RAD18: variants seen among roughly 807,000 people sequenced by gnomAD.
RAD18 encodes E3 ubiquitin-protein ligase RAD18.
A neutral mutation model predicts 60.4 loss-of-function variants in RAD18; 47 were observed. The ratio of observed to expected loss-of-function variants is 0.78; its 90% CI spans 0.62 to 0.99. The LOEUF is 0.99. Ranked by LOEUF, RAD18 falls within the 50% of genes least tolerant of loss-of-function variation. The probability of loss-of-function intolerance (pLI) is 0.00; values close to 1 mark genes in which losing one functional copy is unlikely to be tolerated. For missense variants in RAD18, 640 were observed against 593.3 expected, an observed-to-expected ratio of 1.08 and a Z score of -0.82; for synonymous variants, 225 against 195.5, an observed-to-expected ratio of 1.15 and a Z score of -1.26.
intron 12 of RAD18, among the ~76,000 whole-genome samples, chr3:8,885,555 G>T (rs1939545073): frequency 6.6e-6 from 1 of 152,176 alleles, no homozygotes; most frequent in Non-Finnish European, 1.5e-5. Flanking sequence ...TTGGAAAGGA[G>T]CCTTTATTTC....
At position 8,899,002 on chromosome 3, in the gene RAD18, G is replaced by C; in HGVS notation, c.1214C>G (p.Ser405Ter). 1 of 1,607,804 alleles carries C rather than the reference G, an allele frequency of 6.2e-7. No homozygotes were observed. Among genetic ancestry groups the C allele is most frequent in the Non-Finnish European group, 8.5e-7 (1 of 1,176,250 alleles). Reference sequence around the variant, plus strand: ...CAATTCCTCTGGGGAGTCCAGCTTTGATTGAGAAAAGTGGTTTGTTACTGA... The same window carrying C: ...CAATTCCTCTGGGGAGTCCAGCTTTCATTGAGAAAAGTGGTTTGTTACTGA... ...MTSVTNHFSQ[S>*]KLDSPEELEP... The change falls in exon 11 of 13, where the codon TCA becomes TGA. Residue 405 changes from serine (S) to a stop codon, truncating the protein, a stop_gained. Coordinates refer to ENST00000264926, the MANE Select transcript of RAD18 (RefSeq NM_020165.4). LOFTEE classifies it high-confidence loss of function.
chr3:8,956,832 A>T (rs1941022845), intron 2 of RAD18, among the ~76,000 whole-genome samples: 1 of 152,116 alleles, frequency 6.6e-6, no homozygotes, highest in Admixed American at 6.5e-5. Context: ...TAAGAATATA[A>T]AAAAAACTTA....
chr3:8,941,489 G>A lies in RAD18; in HGVS notation c.582C>T (p.Ser194=). 6.2e-7 allele frequency: 1 copy of A among 1,608,286 alleles called. No homozygotes were observed. The change falls in exon 5 of 13, where the codon TCC becomes TCT. Residue 194 remains serine (S), a synonymous_variant. Transcript: ENST00000264926. ...EAKRPEPPST[S]TLKQVTKVDC... Reference sequence around the variant, plus strand: ...TACCTTTAGTAACTTGTTTCAAAGTGGATGTCGAGGGTGGCTCAGGACGCT... The same window carrying A: ...TACCTTTAGTAACTTGTTTCAAAGTAGATGTCGAGGGTGGCTCAGGACGCT...
In RAD18 at chr3:8,940,232, C is replaced by T. The variant is rs141680285; in HGVS notation, c.605-579G>A. 2.8e-4 allele frequency among the ~76,000 whole-genome samples: 43 copies of T among 152,082 alleles called. 1 individual carries two copies. Among genetic ancestry groups the T allele is most frequent in the African/African-American group, 9.4e-4 (39 of 41,492 alleles). On this transcript the variant is annotated intron_variant, in intron 5 of 12. Coordinates refer to ENST00000264926, the MANE Select transcript of RAD18 (RefSeq NM_020165.4). ...GTTGCAGGGATCTGTGGGGGTATCTCGGGGCCTACAGACCACCATGGATAA... is the reference window on the plus strand; with the variant it reads ...GTTGCAGGGATCTGTGGGGGTATCTTGGGGCCTACAGACCACCATGGATAA...
intron 12 of RAD18, among the ~76,000 whole-genome samples, chr3:8,886,080 GGCC>G (rs1939558954): frequency 6.6e-6 from 1 of 152,184 alleles, no homozygotes; most frequent in Non-Finnish European, 1.5e-5. Flanking sequence ...TTTATCTCAA[GGCC>G]AGTGCTTGTT....
intron 9 of RAD18, among the ~76,000 whole-genome samples, chr3:8,910,843 A>G (rs2125054323): frequency 6.6e-6 from 1 of 152,306 alleles, no homozygotes; most frequent in South Asian, 2.1e-4. Context: ...AAACTTCAAG[A>G]AGTAGCAGAA....
Position 8,912,517 on chromosome 3 carries a change from C to A in RAD18, c.967-145G>T, listed in dbSNP as rs1476088474. ...TGTTTTATATAGACCTAGGAAGAAT[C>A]ATTCCTATGTACTTCCCTTAAATAC... On this transcript the variant is annotated intron_variant, in intron 8 of 12. Coordinates refer to ENST00000264926, the MANE Select transcript of RAD18 (RefSeq NM_020165.4). 9.6e-6 allele frequency: 5 copies of A among 518,824 alleles called. No individual in the cohort carries two copies. In the African/African-American group the frequency reaches 1.0e-4, roughly 10 times the overall value. The allele number at this position is 518,824 out of a possible 1,614,324, so 32.1% of individuals were successfully genotyped here. A position where few individuals can be genotyped will look rare whatever the true frequency, so the allele number is the denominator to read the frequency against.
intron 12 of RAD18, 76 bp from the exon 13 acceptor site, chr3:8,881,535 T>C: frequency 1.7e-6 from 2 of 1,177,620 alleles, no homozygotes; most frequent in Non-Finnish European, 2.5e-6. Context: ...ACAAGTGTTT[T>C]CACACATATT....
At chr3:8,955,394 G>C (rs984412602) in intron 2 of RAD18, among the ~76,000 whole-genome samples, 6 of 152,152 alleles carry the variant, frequency 3.9e-5, no homozygotes, top group African/African-American at 1.4e-4. Context: ...CTAGGTGACT[G>C]GGGACTGCTA....
intron 6 of RAD18, among the ~76,000 whole-genome samples, chr3:8,937,791 A>G (rs796887421): frequency 1.3e-4 from 20 of 152,316 alleles, no homozygotes; most frequent in African/African-American, 4.8e-4. Context: ...AAAGCCTTTA[A>G]CACACTAAGA....
At chr3:8,950,913 G>A (rs1180055234) in intron 2 of RAD18, among the ~76,000 whole-genome samples, 1 of 152,142 alleles carries the variant, frequency 6.6e-6, no homozygotes, top group Admixed American at 6.5e-5. Flanking sequence ...ATTGAACACG[G>A]CTGAGGAATC....
chr3:8,925,057 G>C (rs76094210), intron 7 of RAD18, among the ~76,000 whole-genome samples: 98,007 of 145,974 alleles, frequency 0.67, 32,898 homozygotes, highest in Middle Eastern at 0.76. Context: ...AAATAACTAA[G>C]ATCAGAGCAG....
chr3:8,910,611 A>G (rs1451053102), intron 9 of RAD18, among the ~76,000 whole-genome samples: 1 of 152,174 alleles, frequency 6.6e-6, no homozygotes, highest in East Asian at 1.9e-4. Flanking sequence ...AAAAAAAAAA[A>G]AAAGAACAAC....
At chr3:8,962,688 T>C (rs1028742738) in intron 1 of RAD18, among the ~76,000 whole-genome samples, 2 of 152,332 alleles carry the variant, frequency 1.3e-5, no homozygotes, top group East Asian at 3.9e-4. Context: ...TGGTATGCCT[T>C]GCCAAAACAG....
intron 12 of RAD18, among the ~76,000 whole-genome samples, chr3:8,885,590 G>T (rs927096481): frequency 2.6e-5 from 4 of 152,160 alleles, no homozygotes; most frequent in African/African-American, 9.7e-5. Context: ...AGCCAGAAAG[G>T]TGACCACTCT....
chr3:8,907,072 C>T (rs1940020991), intron 9 of RAD18, among the ~76,000 whole-genome samples: 1 of 152,164 alleles, frequency 6.6e-6, no homozygotes, highest in South Asian at 2.1e-4. Flanking sequence ...GTACTATGTC[C>T]TGCAAACTCT....
At chr3:8,910,593 TCC>T (rs1354707956) in intron 9 of RAD18, among the ~76,000 whole-genome samples, 2 of 148,042 alleles carry the variant, frequency 1.4e-5, no homozygotes, top group Non-Finnish European at 3.0e-5. Flanking sequence ...AGAGCGAGCC[TCC>T]ATCTCAAAAA....
At chr3:8,903,832 A>C (rs1272195619) in intron 9 of RAD18, among the ~76,000 whole-genome samples, 7 of 152,234 alleles carry the variant, frequency 4.6e-5, no homozygotes, top group Admixed American at 4.6e-4. Flanking sequence ...TCATACAAAA[A>C]TCAACAATGT....
intron 9 of RAD18, among the ~76,000 whole-genome samples, chr3:8,903,019 C>G (rs890886173): frequency 1.3e-5 from 2 of 150,524 alleles, no homozygotes; most frequent in African/African-American, 4.9e-5. Context: ...GGGCAAGACT[C>G]TGTCTCAAAA....
Sources: allele counts gnomAD v4.1 joint callset (sites outside exome capture counted in the v4.1 genomes callset), GRCh38; gene constraint gnomAD v4.1.1; transcripts MANE v1.5; gene names NCBI Gene and HGNC (gene_info 2026-07-23, HGNC 2026-07-21).